TENM4: variants seen among roughly 807,000 people sequenced by gnomAD.
TENM4 encodes the protein teneurin-4.
Under a neutral mutation model 243.3 loss-of-function variants are expected in TENM4, and 82 were observed. That is an observed-to-expected ratio of 0.34 (90% CI 0.28 to 0.40). The LOEUF is 0.40. Ranked by LOEUF, TENM4 falls within the 10% of genes least tolerant of loss-of-function variation. TENM4 has a pLI of 1.00. For synonymous variants in TENM4, 1,412 were observed against 1,456.3 expected (o/e 0.97, Z 0.69); for missense variants, 3,138 against 3,673.3 (o/e 0.85, Z 3.77).
At chr11:78,896,713 A>T (rs1444145391) in intron 7 of TENM4, among the ~76,000 whole-genome samples, 1 of 152,112 alleles carries the variant, frequency 6.6e-6, no homozygotes, top group Non-Finnish European at 1.5e-5. Flanking sequence ...TGCCTGGAGA[A>T]GCTATTTTGA....
In TENM4 at chr11:78,863,010, C is replaced by G. The variant is rs767456713; in HGVS notation, c.1207G>C (p.Gly403Arg). 6.6e-7 allele frequency: 1 copy of G among 1,520,174 alleles called. No individual in the cohort carries two copies. The highest frequency in any genetic ancestry group is 2.0e-5 in the Admixed American group (1 of 50,108). The allele number at this position is 1,520,174 out of a possible 1,614,324, so 94.2% of individuals were successfully genotyped here. ...CTGTCAGGGGTCTCTAAGCCAGTGCCCCCTGAGGGGTATAGGGAGACGTCG... is the reference window on the plus strand; with the variant it reads ...CTGTCAGGGGTCTCTAAGCCAGTGCGCCCTGAGGGGTATAGGGAGACGTCG... ...PTDVSLYPSGGTGLETPDRKG... is the reference protein window; with the variant it reads ...PTDVSLYPSGRTGLETPDRKG... Residue 403 changes from glycine to arginine, a missense_variant, in exon 10 of 34, where the codon GGC becomes CGC. Transcript: ENST00000278550.
chr11:78,880,457 T>TAAA (rs71763484), intron 9 of TENM4, among the ~76,000 whole-genome samples: 92 of 104,524 alleles, frequency 8.8e-4, no homozygotes, highest in African/African-American at 4.4e-3. Flanking sequence ...CAATAAATAC[T>TAAA]AAAAAAAAAA....
At chr11:78,890,746 G>T (rs1297679114) in intron 8 of TENM4, among the ~76,000 whole-genome samples, 5 of 152,214 alleles carry the variant, frequency 3.3e-5, no homozygotes, top group Non-Finnish European at 7.3e-5. Flanking sequence ...TATGGTCAAA[G>T]CACATGGTTG....
intron 6 of TENM4, among the ~76,000 whole-genome samples, chr11:79,025,797 G>A (rs1375418049): frequency 1.3e-5 from 2 of 152,158 alleles, no homozygotes; most frequent in Non-Finnish European, 2.9e-5. Flanking sequence ...CTGCTGAATG[G>A]AGGCTAATTG....
chr11:78,787,216 T>A, intron 15 of TENM4, 133 bp from the exon 16 acceptor site: 1 of 1,063,620 alleles, frequency 9.4e-7, no homozygotes, highest in Non-Finnish European at 1.3e-6. Flanking sequence ...AAGTCACACT[T>A]GGCTACATAC....
At chr11:78,917,004 C>G (rs550459829) in intron 6 of TENM4, among the ~76,000 whole-genome samples, 1 of 152,210 alleles carries the variant, frequency 6.6e-6, no homozygotes, top group Admixed American at 6.5e-5. Context: ...GCTACATGCA[C>G]TGAGCAATTT....
chr11:78,832,859 G>C (rs1442959933), intron 12 of TENM4, among the ~76,000 whole-genome samples: 1 of 152,168 alleles, frequency 6.6e-6, no homozygotes, highest in Non-Finnish European at 1.5e-5. Context: ...CTAAATTGTC[G>C]ACATGTTCCA....
At chr11:78,716,905 C>T (rs1017756833) in intron 25 of TENM4, among the ~76,000 whole-genome samples, 1 of 152,204 alleles carries the variant, frequency 6.6e-6, no homozygotes, top group African/African-American at 2.4e-5. Context: ...GAATACTCTA[C>T]AAATCATAAA....
At chr11:79,019,941 C>G (rs1323342350) in intron 6 of TENM4, among the ~76,000 whole-genome samples, 1 of 152,184 alleles carries the variant, frequency 6.6e-6, no homozygotes, top group East Asian at 1.9e-4. Context: ...CCAAGGCCTT[C>G]AGGCACCTGA....
At chr11:78,740,967 T>C (rs918686508) in intron 19 of TENM4, among the ~76,000 whole-genome samples, 1 of 152,196 alleles carries the variant, frequency 6.6e-6, no homozygotes, top group Admixed American at 6.5e-5. Flanking sequence ...CTGGGGAAGA[T>C]TAGGTTGACT....
In TENM4 at chr11:78,676,251, A is replaced by G. The variant is rs1858471983; in HGVS notation, c.5397T>C (p.Asn1799=). 1.9e-6 allele frequency: 3 copies of G among 1,611,660 alleles called. No individual in the cohort carries two copies. The highest frequency in any genetic ancestry group is 2.7e-5 in the African/African-American group (2 of 75,046). The change falls in exon 30 of 34, where the codon AAT becomes AAC. Residue 1799 remains asparagine (N), a synonymous_variant. Transcript: ENST00000278550. ...GGCCGTTGTCGATGGGCAGCGTGAC[A>G]TTCCTCTTGCCCACGGTGGGGTTGA... ...GTVNPTVGKR[N]VTLPIDNGLN...
intron 3 of TENM4, among the ~76,000 whole-genome samples, chr11:79,158,944 T>C (rs755724517): frequency 3.9e-5 from 6 of 152,162 alleles, no homozygotes; most frequent in Non-Finnish European, 8.8e-5. Flanking sequence ...AACCCTAGTA[T>C]ATGGTAGACA....
intron 1 of TENM4, among the ~76,000 whole-genome samples, chr11:79,409,983 C>G (rs930657595): frequency 6.6e-6 from 1 of 152,174 alleles, no homozygotes; most frequent in South Asian, 2.1e-4. Flanking sequence ...TTGAGCCACA[C>G]TGGAAGAAGA....
chr11:79,318,450 C>T (rs1279909309), intron 1 of TENM4, among the ~76,000 whole-genome samples: 1 of 152,074 alleles, frequency 6.6e-6, no homozygotes, highest in Non-Finnish European at 1.5e-5. Context: ...AAATATTTGA[C>T]AACTGACTTT....
At chr11:79,143,420 G>A (rs936865414) in intron 4 of TENM4, among the ~76,000 whole-genome samples, 7 of 152,118 alleles carry the variant, frequency 4.6e-5, no homozygotes, top group Non-Finnish European at 8.8e-5. Flanking sequence ...GCAAACTATC[G>A]CAAGGACAGA....
intron 6 of TENM4, among the ~76,000 whole-genome samples, chr11:78,984,217 T>C (rs1857867506): frequency 6.6e-6 from 1 of 152,260 alleles, no homozygotes; most frequent in African/African-American, 2.4e-5. Context: ...AAAAGCAAAA[T>C]GGGGATTTAC....
intron 1 of TENM4, among the ~76,000 whole-genome samples, chr11:79,429,522 C>G (rs944924797): frequency 1.3e-5 from 2 of 152,026 alleles, no homozygotes; most frequent in African/African-American, 2.4e-5. Flanking sequence ...CCACAACAAC[C>G]CTTGGAGGTA....
At chr11:78,663,648 G>A (rs1296678113) in intron 32 of TENM4, among the ~76,000 whole-genome samples, 2 of 152,162 alleles carry the variant, frequency 1.3e-5, no homozygotes, top group Non-Finnish European at 2.9e-5. Flanking sequence ...TATAGAGCCT[G>A]CAGAACTGTG....
At chr11:79,241,704 G>T (rs1855422670) in intron 2 of TENM4, among the ~76,000 whole-genome samples, 1 of 152,166 alleles carries the variant, frequency 6.6e-6, no homozygotes, top group African/African-American at 2.4e-5. Flanking sequence ...ATGATGATGT[G>T]TTCACATGTG....
Sources: gnomAD v4.1 joint callset for allele counts (sites outside exome capture counted in the v4.1 genomes callset) on GRCh38, gnomAD v4.1.1 for gene constraint, MANE v1.5 for transcripts, NCBI Gene and HGNC (gene_info 2026-07-23, HGNC 2026-07-21) for gene names.